The following RAB3C variants were observed in gnomAD, a reference collection of about 807,000 sequenced individuals.
RAB3C encodes RAB3C, member RAS oncogene family.
In RAB3C, 17 loss-of-function variants were observed where a neutral mutation model predicts 26.4. The ratio of observed to expected loss-of-function variants is 0.64; its 90% confidence interval spans 0.44 to 0.97. RAB3C has a LOEUF of 0.97. Ranked by LOEUF, RAB3C falls within the 50% of genes least tolerant of loss-of-function variation. RAB3C has a pLI of 0.00. For missense variants in RAB3C, 242 were observed against 281.9 expected (o/e 0.86, Z 1.01); for synonymous variants, 91 against 95.9 (o/e 0.95, Z 0.30).
chr5:58,839,742 T>A (rs1334751653), intron 4 of RAB3C, among the ~76,000 whole-genome samples: 1 of 152,198 alleles, frequency 6.6e-6, no homozygotes, highest in African/African-American at 2.4e-5. Context: ...GTTTTTATTA[T>A]GTCATTTATC....
intron 3 of RAB3C, among the ~76,000 whole-genome samples, chr5:58,747,164 C>A (rs1040832884): frequency 1.3e-5 from 2 of 151,976 alleles, no homozygotes; most frequent in South Asian, 4.2e-4. Flanking sequence ...AGTTTTTAAA[C>A]AACAATAAAC....
At chr5:58,799,539 C>A (rs557322411) in intron 3 of RAB3C, among the ~76,000 whole-genome samples, 2 of 152,246 alleles carry the variant, frequency 1.3e-5, no homozygotes, top group Admixed American at 1.3e-4. Flanking sequence ...TGAACACAAT[C>A]AACGTGAAAT....
chr5:58,582,900 G>C (rs560850165), upstream of RAB3C: 17 of 494,814 alleles, frequency 3.4e-5, no homozygotes, highest in African/African-American at 3.1e-4. Context: ...GGGAGGCTCC[G>C]CGGCCGAGCC....
At chr5:58,666,910 G>C in intron 2 of RAB3C, among the ~76,000 whole-genome samples, 1 of 152,230 alleles carries the variant, frequency 6.6e-6, no homozygotes, top group East Asian at 1.9e-4. Context: ...CGTCAGACCA[G>C]AGCCAAAAAT....
chr5:58,758,169 C>T (rs899866532), intron 3 of RAB3C, among the ~76,000 whole-genome samples: 1 of 152,160 alleles, frequency 6.6e-6, no homozygotes. Context: ...TGGTCTTGAT[C>T]TCCTGACCTT....
intron 3 of RAB3C, among the ~76,000 whole-genome samples, chr5:58,786,881 A>G (rs1052121190): frequency 6.6e-5 from 10 of 151,636 alleles, no homozygotes; most frequent in Admixed American, 5.2e-4. Flanking sequence ...ACTGCGGTAC[A>G]TGTGCCGCAT....
intron 4 of RAB3C, among the ~76,000 whole-genome samples, chr5:58,834,151 A>C (rs1743681846): frequency 6.6e-6 from 1 of 152,224 alleles, no homozygotes; most frequent in Non-Finnish European, 1.5e-5. Flanking sequence ...ACACACATTT[A>C]TAGCTAATTT....
chr5:58,706,008 C>T (rs752009877), intron 2 of RAB3C, among the ~76,000 whole-genome samples: 8 of 152,128 alleles, frequency 5.3e-5, no homozygotes, highest in African/African-American at 1.4e-4. Flanking sequence ...ATTTTTGGTA[C>T]ATCCAGTTGA....
intron 3 of RAB3C, among the ~76,000 whole-genome samples, chr5:58,761,480 A>C (rs1741796747): frequency 6.6e-6 from 1 of 152,216 alleles, no homozygotes; most frequent in South Asian, 2.1e-4. Flanking sequence ...ATCTAGGTCA[A>C]CTTCTAGGAT....
chr5:58,730,289 A>T (rs1159747070), intron 3 of RAB3C, among the ~76,000 whole-genome samples: 4 of 152,028 alleles, frequency 2.6e-5, no homozygotes, highest in African/African-American at 7.2e-5. Flanking sequence ...AAGTAAAAAA[A>T]ATCAGAAATC....
At chr5:58,841,916 T>C (rs2112080646) in intron 4 of RAB3C, among the ~76,000 whole-genome samples, 1 of 152,282 alleles carries the variant, frequency 6.6e-6, no homozygotes, top group Middle Eastern at 3.4e-3. Context: ...TTGGTCCTTT[T>C]CTACTCATGT....
intron 2 of RAB3C, among the ~76,000 whole-genome samples, chr5:58,656,076 C>T (rs1344040804): frequency 6.6e-6 from 1 of 152,082 alleles, no homozygotes; most frequent in Non-Finnish European, 1.5e-5. Flanking sequence ...TGAGCCACCG[C>T]GCCCGGCCCT....
At chr5:58,805,470 A>G (rs1742916390) in intron 3 of RAB3C, among the ~76,000 whole-genome samples, 4 of 151,800 alleles carry the variant, frequency 2.6e-5, no homozygotes, top group African/African-American at 4.8e-5. Context: ...CTATAATCCC[A>G]TCTACACAGG....
intron 2 of RAB3C, among the ~76,000 whole-genome samples, chr5:58,712,669 C>T (rs184163262): frequency 6.6e-6 from 1 of 152,198 alleles, no homozygotes; most frequent in East Asian, 1.9e-4. Flanking sequence ...GGATTACAGG[C>T]ATGTGCCATG....
intron 3 of RAB3C, among the ~76,000 whole-genome samples, chr5:58,767,126 G>T (rs959830543): frequency 6.6e-5 from 10 of 152,174 alleles, no homozygotes; most frequent in African/African-American, 2.4e-4. Flanking sequence ...GCAAAATTCT[G>T]CTGGTGCTGT....
intron 3 of RAB3C, among the ~76,000 whole-genome samples, chr5:58,733,210 A>G (rs1243788976): frequency 6.6e-6 from 1 of 152,222 alleles, no homozygotes; most frequent in African/African-American, 2.4e-5. Context: ...TGGCTGCTCA[A>G]TATTCATGGA....
At chr5:58,656,335 A>G (rs1747772099) in intron 2 of RAB3C, among the ~76,000 whole-genome samples, 1 of 152,184 alleles carries the variant, frequency 6.6e-6, no homozygotes, top group South Asian at 2.1e-4. Flanking sequence ...TGTACTTTGT[A>G]TTTGACAGTT....
intron 3 of RAB3C, among the ~76,000 whole-genome samples, chr5:58,786,474 T>C (rs1175715529): frequency 6.6e-6 from 1 of 152,002 alleles, no homozygotes; most frequent in Non-Finnish European, 1.5e-5. Context: ...TCCCTCCCAC[T>C]CTCTTTCCTT....
intron 3 of RAB3C, among the ~76,000 whole-genome samples, chr5:58,734,404 G>C (rs1045885025): frequency 3.3e-5 from 5 of 152,074 alleles, no homozygotes; most frequent in South Asian, 4.1e-4. Flanking sequence ...CAGCTCAGAG[G>C]GGGCAGTGGT....
Sources: allele counts gnomAD v4.1 joint callset (sites outside exome capture counted in the v4.1 genomes callset), GRCh38; gene constraint gnomAD v4.1.1; transcripts MANE v1.5; gene names NCBI Gene and HGNC (gene_info 2026-07-23, HGNC 2026-07-21).